MEFV: variants seen among roughly 807,000 people sequenced by gnomAD.
MEFV encodes the protein MEFV innate immunity regulator, pyrin, also known as pyrin.
Under a neutral mutation model 62.5 loss-of-function variants are expected in MEFV, and 60 were observed. The observed-to-expected ratio is 0.96, with a 90% CI of 0.78 to 1.19. The LOEUF (loss-of-function observed/expected upper bound fraction) is 1.19. MEFV is among the 50% of genes most tolerant of loss of function. The pLI is 0.00. For synonymous variants in MEFV, 500 were observed against 415.2 expected (o/e 1.20, Z -2.48); for missense variants, 1,169 against 1,004.5 (o/e 1.16, Z -2.21).
intron 2 of MEFV, among the ~76,000 whole-genome samples, chr16:3,252,885 G>C (rs1480300190): frequency 6.8e-6 from 1 of 147,846 alleles, no homozygotes; most frequent in East Asian, 2.0e-4. Flanking sequence ...AGGAGGTTGA[G>C]GCTGCAGTAA....
chr16:3,248,824 C>A (rs888035388), intron 4 of MEFV, 85 bp downstream of exon 4: 26 of 1,606,996 alleles, frequency 1.6e-5, no homozygotes, highest in Non-Finnish European at 2.2e-5. Context: ...GCCCTGTGAA[C>A]CACAGCAGAA....
In MEFV at chr16:3,249,670, G is replaced by T; in HGVS notation, c.1021C>A (p.His341Asn). 6.2e-7 allele frequency: 1 copy of T among 1,612,914 alleles called. No individual in the cohort carries two copies. The highest frequency in any genetic ancestry group is 8.5e-7 in the Non-Finnish European group (1 of 1,179,142). ...GAGCGGCTGCCTGAGGCCTGGGGGT[G>T]CCCAGAAACTGCCTCGGGGAAGCTG... ...SCSFPEAVSGHPQASGSRSPG... is the reference protein window; with the variant it reads ...SCSFPEAVSGNPQASGSRSPG... The change falls in exon 3 of 10, where the codon CAC becomes AAC. Residue 341 changes from histidine to asparagine, a missense_variant. Transcript: ENST00000219596.
chr16:3,247,164 A>C lies in MEFV; in HGVS notation c.1439T>G (p.Phe480Cys), dbSNP rs765636421. 8.1e-6 allele frequency: 13 copies of C among 1,614,136 alleles called. No homozygotes were observed. The African/African-American group carries it at 1.6e-4, about 20-fold the overall frequency. Residue 480 changes from phenylalanine (F) to cysteine (C), a missense_variant, in exon 5 of 10, where the codon TTT becomes TGT. Physicochemically the swap from Phe to Cys is radical, Grantham distance 205. Transcript: ENST00000219596. ...YYFLEQQEHF[F>C]VASLEDVGQM... ...GCCCACGTCCTCCAGTGAGGCCACAAAGAAATGCTCTTGCTGCTCCAGGAA... is the reference window on the plus strand; with the variant it reads ...GCCCACGTCCTCCAGTGAGGCCACACAGAAATGCTCTTGCTGCTCCAGGAA...
intron 4 of MEFV, 180 bp from the exon 5 acceptor site, chr16:3,247,426 C>G: frequency 1.6e-6 from 1 of 610,320 alleles, no homozygotes; most frequent in African/African-American, 1.8e-5. Context: ...AAAGACTGAG[C>G]ATGGCTGGGG....
intron 1 of MEFV, among the ~76,000 whole-genome samples, chr16:3,255,836 C>A (rs1171971305): frequency 6.6e-6 from 1 of 151,908 alleles, no homozygotes; most frequent in Non-Finnish European, 1.5e-5. Flanking sequence ...GCACGGTGGC[C>A]TATGTCTGAA....
intron 3 of MEFV, 38 bp from the exon 4 acceptor site, chr16:3,249,042 C>T (rs1256033829): frequency 6.2e-7 from 1 of 1,600,882 alleles, no homozygotes; most frequent in Non-Finnish European, 8.6e-7. Context: ...TTGAATTTGG[C>T]TCCTGCCATC....
In MEFV at chr16:3,254,535, C is replaced by T. The variant is rs752261692; in HGVS notation, c.533G>A (p.Arg178Gln). The T allele has an allele frequency of 2.6e-6, 4 of 1,554,780 alleles. No individual in the cohort carries two copies. In the Admixed American group the frequency reaches 7.7e-5, roughly 30 times the overall value. The part of the protein sequence containing the change: ...GLDAQGKPRT[R>Q]SPALPGGRSP... Reference sequence around the variant, plus strand: ...TCTCCCGCCCGGCAGGGCCGGGCTCCGGGTCCGAGGCTTGCCCTGCGCGTC... The same window carrying T: ...TCTCCCGCCCGGCAGGGCCGGGCTCTGGGTCCGAGGCTTGCCCTGCGCGTC... Residue 178 changes from arginine to glutamine, a missense_variant, in exon 2 of 10, where the codon CGG becomes CAG. Arg to Gln is a conservative substitution (Grantham distance 43, BLOSUM62 1). Transcript: ENST00000219596.
At position 3,254,757 on chromosome 16, in the gene MEFV, G is replaced by T; in HGVS notation, c.311C>A (p.Ser104Tyr). ...CTCCCCCAGGGAGCTGGACGCTGCG[G>T]AATCATCTGTGCCGTTTTCTTGTGT... The part of the protein sequence containing the change: ...YSTQENGTDD[S>Y]AASSSLGENK... Residue 104 changes from serine to tyrosine, a missense_variant, in exon 2 of 10, where the codon TCC becomes TAC. Transcript: ENST00000219596. 1.2e-6 allele frequency: 2 copies of T among 1,612,742 alleles called. No individual in the cohort carries two copies. Among genetic ancestry groups the T allele is most frequent in the Non-Finnish European group, 1.7e-6 (2 of 1,180,028 alleles).
intron 2 of MEFV, 26 bp from the exon 3 acceptor site, chr16:3,249,806 C>T (rs1279672818): frequency 6.3e-7 from 1 of 1,596,976 alleles, no homozygotes; most frequent in Non-Finnish European, 8.6e-7. Flanking sequence ...GGAAAAACCC[C>T]CTGAATGGCA....
intron 2 of MEFV, among the ~76,000 whole-genome samples, chr16:3,251,223 G>GC (rs35886566): frequency 3.3e-5 from 5 of 151,884 alleles, no homozygotes; most frequent in African/African-American, 4.8e-5. Flanking sequence ...GCCTCCCATT[G>GC]CCCCCCAAAT....
chr16:3,254,405 CG>C lies in MEFV; in HGVS notation c.662del (p.Pro221ArgfsTer41). On this transcript the variant is annotated frameshift_variant, in exon 2 of 10. Coordinates refer to ENST00000219596, the MANE Select transcript of MEFV (RefSeq NM_000243.3). LOFTEE classifies it high-confidence loss of function. ...GRLQGLAGGA[P>X]GQKECRPFEV... ...CGAAGGGCCTGCACTCCTTCTGCCC[CG>C]GGGCGCCCCCCGCCAGCCCCTGCAG... 1.2e-6 allele frequency: 2 copies of C among 1,612,860 alleles called. No individual in the cohort carries two copies. The highest frequency in any genetic ancestry group is 1.7e-6 in the Non-Finnish European group (2 of 1,179,802).
chr16:3,247,432 T>A, intron 4 of MEFV, 186 bp from the exon 5 acceptor site: 1 of 606,306 alleles, frequency 1.6e-6, no homozygotes, highest in Non-Finnish European at 2.9e-6. Flanking sequence ...TGAGCATGGC[T>A]GGGGCTAGCT....
In MEFV at chr16:3,256,312, C is replaced by T; in HGVS notation, c.276G>A (p.Gln92=). Residue 92 remains glutamine, a splice_region_variant and synonymous_variant, in exon 1 of 10, where the codon CAG becomes CAA. Coordinates refer to ENST00000219596, the MANE Select transcript of MEFV (RefSeq NM_000243.3). ...LAEELHRAAI[Q]EYSTQENGTD... ...AGGAGGAGGCCTGGGCCCGCTTACC[C>T]TGAATGGCTGCCCTGTGGAGCTCCT... 1 of 1,613,640 alleles carries T rather than the reference C, an allele frequency of 6.2e-7. No homozygotes were observed. Among genetic ancestry groups the T allele is most frequent in the Non-Finnish European group, 8.5e-7 (1 of 1,179,910 alleles).
chr16:3,248,847 C>G (rs1319852624), intron 4 of MEFV, 62 bp downstream of exon 4: 23 of 1,611,386 alleles, frequency 1.4e-5, no homozygotes, highest in Admixed American at 5.0e-5. Context: ...TCGGGGACCC[C>G]TGCTCACTCT....
chr16:3,251,619 G>T (rs1276065808), intron 2 of MEFV, among the ~76,000 whole-genome samples: 1 of 152,022 alleles, frequency 6.6e-6, no homozygotes, highest in African/African-American at 2.4e-5. Flanking sequence ...TAGATAGTTA[G>T]GACTTTAGCC....
At chr16:3,251,353 G>A (rs977127577) in intron 2 of MEFV, among the ~76,000 whole-genome samples, 3 of 152,128 alleles carry the variant, frequency 2.0e-5, no homozygotes, top group African/African-American at 7.2e-5. Flanking sequence ...CTTTCCCGAG[G>A]GATACTATTC....
At position 3,242,975 on chromosome 16, in the gene MEFV, C is replaced by T. The variant is rs1016941215; in HGVS notation, c.*166G>A. 2 of 731,792 alleles carry T rather than the reference C, an allele frequency of 2.7e-6. No homozygotes were observed. The highest frequency in any genetic ancestry group is 3.5e-5 in the African/African-American group (2 of 57,636). The allele number at this position is 731,792 out of a possible 1,614,324, so 45.3% of individuals were successfully genotyped here. A position where few individuals can be genotyped will look rare whatever the true frequency, so the allele number is the denominator to read the frequency against. On this transcript the variant is annotated 3_prime_UTR_variant, in exon 10 of 10. Coordinates refer to ENST00000219596, the MANE Select transcript of MEFV (RefSeq NM_000243.3). ...ACCCGGATTGACTAACATGTTCGTT[C>T]CTAACTTACCTCTGCTATAATCGGG...
rs1431118968 is a variant in MEFV at position 3,254,406 on chromosome 16, G to A, written c.662C>T (p.Pro221Leu). The A allele has an allele frequency of 1.2e-6, 2 of 1,613,020 alleles. No individual in the cohort carries two copies. The highest frequency in any genetic ancestry group is 1.3e-5 in the African/African-American group (1 of 75,046). Residue 221 changes from proline (P) to leucine (L), a missense_variant, in exon 2 of 10, where the codon CCG becomes CTG. Coordinates refer to ENST00000219596, the MANE Select transcript of MEFV (RefSeq NM_000243.3). ...GAAGGGCCTGCACTCCTTCTGCCCC[G>A]GGGCGCCCCCCGCCAGCCCCTGCAG... The part of the protein sequence containing the change: ...GRLQGLAGGA[P>L]GQKECRPFEV...
At chr16:3,248,122 G>C (rs1356102501) in intron 4 of MEFV, among the ~76,000 whole-genome samples, 1 of 151,914 alleles carries the variant, frequency 6.6e-6, no homozygotes, top group Non-Finnish European at 1.5e-5. Context: ...AGCCAGGCGC[G>C]GTGGCAGGCG....
Sources: gnomAD v4.1 joint callset for allele counts (sites outside exome capture counted in the v4.1 genomes callset) on GRCh38, gnomAD v4.1.1 for gene constraint, MANE v1.5 for transcripts, NCBI Gene and HGNC (gene_info 2026-07-23, HGNC 2026-07-21) for gene names.